Variants in FBXW4 observed in about 807,000 individuals in gnomAD.
FBXW4 encodes the protein F-box and WD repeat domain containing 4, also known as F-box/WD repeat-containing protein 4.
FBXW4 carries 40 observed loss-of-function variants against 61.8 expected under a neutral mutation model. The ratio of observed to expected loss-of-function variants is 0.65; its 90% CI spans 0.50 to 0.84. The LOEUF (loss-of-function observed/expected upper bound fraction) is 0.84. Among genes scored for constraint, FBXW4 ranks in the 40% least tolerant of loss-of-function variants. FBXW4 has a pLI of 0.00. For missense variants in FBXW4, 672 were observed against 753.8 expected (o/e 0.89, Z 1.27); for synonymous variants, 311 against 313.8 (o/e 0.99, Z 0.10).
chr10:101,652,076 G>A (rs952192704), intron 5 of FBXW4, among the ~76,000 whole-genome samples: 10 of 151,774 alleles, frequency 6.6e-5, no homozygotes, highest in Admixed American at 5.3e-4. Context: ...TTCTCTCTCT[G>A]ATTCCTTCTT....
intron 5 of FBXW4, chr10:101,626,435 T>C (rs889234676): frequency 5.9e-5 from 9 of 152,670 alleles, no homozygotes; most frequent in African/African-American, 1.4e-4. Context: ...GAGCAGGCAA[T>C]TGGACTCTCC....
intron 4 of FBXW4, among the ~76,000 whole-genome samples, chr10:101,669,882 G>A (rs2064342715): frequency 6.6e-6 from 1 of 151,846 alleles, no homozygotes; most frequent in Non-Finnish European, 1.5e-5. Flanking sequence ...AGCCTCCCGA[G>A]TAGCTGGGTC....
At chr10:101,676,289 C>G in intron 2 of FBXW4, 52 bp downstream of exon 2, 2 of 1,518,546 alleles carry the variant, frequency 1.3e-6, no homozygotes, top group Non-Finnish European at 1.8e-6. Flanking sequence ...TTTTACTTTC[C>G]ATTATGCTTT....
rs763830333 is a variant in FBXW4, at chr10:101,672,894, G to A, written c.1140+21C>T. On this transcript the variant is annotated intron_variant, in intron 4 of 8. Coordinates refer to ENST00000331272, the MANE Select transcript of FBXW4 (RefSeq NM_022039.4). ...TATAGACAGGAGGGAGTAATAGTATGTAAGGGGGAGACCACCTCACCTTGG... is the reference window on the plus strand; with the variant it reads ...TATAGACAGGAGGGAGTAATAGTATATAAGGGGGAGACCACCTCACCTTGG... The A allele has an allele frequency of 2.5e-6, 4 of 1,613,090 alleles. No homozygotes were observed. The East Asian group carries it at 8.9e-5, about 36-fold the overall frequency.
At chr10:101,687,591 T>G (rs2064546988) in intron 1 of FBXW4, among the ~76,000 whole-genome samples, 5 of 152,194 alleles carry the variant, frequency 3.3e-5, no homozygotes, top group Admixed American at 3.3e-4. Flanking sequence ...ATTTCTTATT[T>G]GTTTAATCTA....
chr10:101,685,057 A>G (rs2064521071), intron 1 of FBXW4, among the ~76,000 whole-genome samples: 1 of 152,100 alleles, frequency 6.6e-6, no homozygotes, highest in Non-Finnish European at 1.5e-5. Context: ...CACCAAGCCA[A>G]TCTCTTCCAC....
At chr10:101,663,147 T>A (rs1024075033) in intron 5 of FBXW4, among the ~76,000 whole-genome samples, 2 of 152,214 alleles carry the variant, frequency 1.3e-5, no homozygotes, top group African/African-American at 2.4e-5. Context: ...CCTGCATTGA[T>A]CTTCCCTGGG....
At chr10:101,666,258 C>A (rs983109174) in intron 5 of FBXW4, among the ~76,000 whole-genome samples, 1 of 152,128 alleles carries the variant, frequency 6.6e-6, no homozygotes, top group Non-Finnish European at 1.5e-5. Flanking sequence ...ATAGGTTAGC[C>A]GACACCTCTG....
intron 5 of FBXW4, among the ~76,000 whole-genome samples, chr10:101,659,771 C>T (rs1044095549): frequency 6.6e-6 from 1 of 152,160 alleles, no homozygotes; most frequent in Non-Finnish European, 1.5e-5. Flanking sequence ...AAGGTACATG[C>T]AGAGCTAGTA....
At chr10:101,679,376 A>G (rs758248012) in intron 1 of FBXW4, among the ~76,000 whole-genome samples, 6 of 152,258 alleles carry the variant, frequency 3.9e-5, no homozygotes, top group Non-Finnish European at 5.9e-5. Context: ...AAGAGCAATT[A>G]TAATTCTTAT....
intron 5 of FBXW4, among the ~76,000 whole-genome samples, chr10:101,647,605 G>A (rs1021169280): frequency 2.0e-5 from 3 of 152,040 alleles, no homozygotes; most frequent in African/African-American, 7.3e-5. Context: ...TTTCTCTTTG[G>A]AAAAATAGTA....
In FBXW4 at chr10:101,694,280, G is replaced by A; in HGVS notation, c.725+101C>T. The A allele has an allele frequency of 8.7e-7, 1 of 1,147,898 alleles. No individual in the cohort carries two copies. The highest frequency in any genetic ancestry group is 1.1e-6 in the Non-Finnish European group (1 of 886,818). The allele number at this position is 1,147,898 out of a possible 1,614,324, so 71.1% of individuals were successfully genotyped here. A position where few individuals can be genotyped will look rare whatever the true frequency, so the allele number is the denominator to read the frequency against. On this transcript the variant is annotated intron_variant, in intron 1 of 8. Transcript: ENST00000331272. This position sits in a 1 kb window ranked among gnomAD's most constrained non-coding sequence, Gnocchi z 6.0. ...TCAGGTGTAGGCCTAGAAACTCGGG[G>A]TGCGACACGACCCTGGGCCGACCAG...
rs145177493 is a variant in FBXW4, at chr10:101,672,951, G to A, written c.1104C>T (p.Gly368=). 6.2e-7 allele frequency: 1 copy of A among 1,613,808 alleles called. No homozygotes were observed. The highest frequency in any genetic ancestry group is 8.5e-7 in the Non-Finnish European group (1 of 1,179,992). ...QEVNCVDCKG[G]IIVSGSRDRT... ...TGTCCCTGGAGCCACTCACAATGATGCCCCCTTTGCAATCCACACAGTTCA... is the reference window on the plus strand; with the variant it reads ...TGTCCCTGGAGCCACTCACAATGATACCCCCTTTGCAATCCACACAGTTCA... The change falls in exon 4 of 9, where the codon GGC becomes GGT. Residue 368 remains glycine, a synonymous_variant. Coordinates refer to ENST00000331272, the MANE Select transcript of FBXW4 (RefSeq NM_022039.4).
intron 6 of FBXW4, among the ~76,000 whole-genome samples, chr10:101,622,181 A>G (rs2063872113): frequency 6.6e-6 from 1 of 151,770 alleles, no homozygotes; most frequent in South Asian, 2.1e-4. Flanking sequence ...AGCTATGGCT[A>G]ATGCTTTCCT....
At chr10:101,668,831 G>C (rs2064331917) in intron 4 of FBXW4, among the ~76,000 whole-genome samples, 1 of 152,074 alleles carries the variant, frequency 6.6e-6, no homozygotes, top group Non-Finnish European at 1.5e-5. Context: ...AGGGACATAA[G>C]CCCCTAACCA....
intron 5 of FBXW4, 93 bp from the exon 6 acceptor site, chr10:101,624,903 G>A (rs1564904854): frequency 1.5e-6 from 2 of 1,355,586 alleles, no homozygotes; most frequent in Non-Finnish European, 2.1e-6. Context: ...TCATTCCCTA[G>A]GGGATTGTGG....
intron 1 of FBXW4, among the ~76,000 whole-genome samples, chr10:101,682,846 A>G (rs1218987110): frequency 4.6e-5 from 7 of 152,204 alleles, no homozygotes; most frequent in African/African-American, 7.2e-5. Context: ...TTGAAAAAAA[A>G]AAAAAGTTCA....
chr10:101,621,186 C>T (rs1226326277), intron 6 of FBXW4, among the ~76,000 whole-genome samples: 1 of 152,186 alleles, frequency 6.6e-6, no homozygotes, highest in Non-Finnish European at 1.5e-5. Flanking sequence ...TCAGCAGGTT[C>T]ACCTCCGCCT....
At chr10:101,671,453 G>GT (rs747849137) in intron 4 of FBXW4, among the ~76,000 whole-genome samples, 2 of 152,186 alleles carry the variant, frequency 1.3e-5, no homozygotes, top group Non-Finnish European at 2.9e-5. Context: ...AATTAACCCA[G>GT]TATCTCAAAC....
Sources: allele counts gnomAD v4.1 joint callset (sites outside exome capture counted in the v4.1 genomes callset), GRCh38; gene constraint gnomAD v4.1.1; non-coding constraint Gnocchi (gnomAD v3.1); transcripts MANE v1.5; gene names NCBI Gene and HGNC (gene_info 2026-07-23, HGNC 2026-07-21).